FBN3: variants seen among roughly 807,000 people sequenced by gnomAD.
The protein encoded by FBN3 is fibrillin-3.
Under a neutral mutation model 330.1 loss-of-function variants are expected in FBN3, and 234 were observed. The ratio of observed to expected loss-of-function variants is 0.71; its 90% CI spans 0.64 to 0.79. FBN3 has a LOEUF of 0.79. Ranked by LOEUF, FBN3 falls within the 30% of genes least tolerant of loss-of-function variation. The probability of loss-of-function intolerance (pLI) is 0.00; values close to 1 mark genes in which losing one functional copy is unlikely to be tolerated. For synonymous variants in FBN3, 1,458 were observed against 1,517.3 expected (o/e 0.96, Z 0.91); for missense variants, 3,606 against 3,886.9 (o/e 0.93, Z 1.92).
At chr19:8,070,134 C>G (rs2081480485) in intron 63 of FBN3, among the ~76,000 whole-genome samples, 1 of 152,004 alleles carries the variant, frequency 6.6e-6, no homozygotes, top group Admixed American at 6.6e-5. Context: ...ACAGTTTTTC[C>G]TAGCAAGGGG....
At position 8,074,702 on chromosome 19, in the gene FBN3, C is replaced by T. The variant is rs774383301; in HGVS notation, c.7702+369G>A. ...ACAGCTATGGCAATGACATAGCATG[C>T]ACACCTCCATTGCCCCTTGCAGCAT... is the stretch of plus-strand genomic sequence containing the variant. On this transcript the variant is annotated intron_variant, in intron 61 of 63. Coordinates refer to ENST00000600128, the MANE Select transcript of FBN3 (RefSeq NM_032447.5). 127 of 191,036 alleles carry T rather than the reference C, an allele frequency of 6.6e-4. 1 individual carries two copies. The highest frequency in any genetic ancestry group is 2.1e-3 in the Middle Eastern group (1 of 474). 11.8% of individuals were successfully genotyped at this position (191,036 alleles called of 1,614,324 possible).
intron 25 of FBN3, 105 bp from the exon 26 acceptor site, chr19:8,119,127 CA>C (rs2082779450): frequency 3.0e-6 from 4 of 1,354,880 alleles, no homozygotes; most frequent in South Asian, 1.4e-5. Flanking sequence ...CAGCCCCCTT[CA>C]CCCCAGCGGG....
At chr19:8,074,836 A>T in intron 61 of FBN3, 1 of 493,860 alleles carries the variant, frequency 2.0e-6, no homozygotes, top group East Asian at 3.4e-5. Context: ...AATCTTTCTC[A>T]ACTGAGTCCT....
At chr19:8,135,856 TAGGG>T (rs1035264598) in intron 13 of FBN3, 101 bp downstream of exon 13, 3 of 1,308,366 alleles carry the variant, frequency 2.3e-6, no homozygotes, top group Non-Finnish European at 3.2e-6. Context: ...GGAGACGTCG[TAGGG>T]AGGGAGGTGG....
intron 8 of FBN3, among the ~76,000 whole-genome samples, chr19:8,139,130 T>C (rs1412811242): frequency 6.6e-6 from 1 of 151,674 alleles, no homozygotes; most frequent in East Asian, 1.9e-4. Flanking sequence ...GGGTAGATCA[T>C]GAGGTCAGGA....
intron 63 of FBN3, among the ~76,000 whole-genome samples, chr19:8,068,885 C>T (rs1451471539): frequency 2.6e-5 from 4 of 151,996 alleles, no homozygotes; most frequent in Admixed American, 1.3e-4. Flanking sequence ...TTACACACTA[C>T]AGACCCCTAG....
chr19:8,089,903 A>G lies in FBN3; in HGVS notation c.6241T>C (p.Ser2081Pro), dbSNP rs1276517334. Residue 2081 changes from serine to proline, a missense_variant, in exon 50 of 64, where the codon TCC (serine) becomes CCC (proline). Physicochemically the swap from Ser to Pro is moderately conservative, Grantham distance 74. Coordinates refer to ENST00000600128, the MANE Select transcript of FBN3 (RefSeq NM_032447.5). Reference protein sequence around the residue: ...GHGAVPGPDDSREDVNECAEN... With the variant: ...GHGAVPGPDDPREDVNECAEN... ...TGGGTGAGGGGCTCACCTTCTCGGGAGTCATCCGGGCCTGGGACTGCCCCG... is the reference window on the plus strand; with the variant it reads ...TGGGTGAGGGGCTCACCTTCTCGGGGGTCATCCGGGCCTGGGACTGCCCCG... The G allele has an allele frequency of 6.3e-7, 1 of 1,599,422 alleles. No homozygotes were observed. Among genetic ancestry groups the G allele is most frequent in the Admixed American group, 1.8e-5 (1 of 56,208 alleles).
At position 8,119,677 on chromosome 19, in the gene FBN3, C is replaced by A. The variant is rs551005509; in HGVS notation, c.3212-655G>T. Among the ~76,000 whole-genome samples the A allele has an allele frequency of 4.2e-4, 64 of 152,012 alleles. No homozygotes were observed. In the Middle Eastern group the frequency reaches 0.014, roughly 32 times the overall value. On this transcript the variant is annotated intron_variant, in intron 25 of 63. Coordinates refer to ENST00000600128, the MANE Select transcript of FBN3 (RefSeq NM_032447.5). ...TACAGGCATGCATCACCAAGCCCAGCTAATTTTTGTATTTTTAGTAGAGAC... is the reference window on the plus strand; with the variant it reads ...TACAGGCATGCATCACCAAGCCCAGATAATTTTTGTATTTTTAGTAGAGAC...
intron 62 of FBN3, 52 bp from the exon 63 acceptor site, chr19:8,072,250 C>T (rs762751700): frequency 2.7e-6 from 4 of 1,482,214 alleles, no homozygotes; most frequent in Admixed American, 2.3e-5. Context: ...CTGATGGGAC[C>T]TCCCCAGCCA....
Position 8,071,954 on chromosome 19 carries a change from TG to T in FBN3, c.8088+93del, listed in dbSNP as rs376082842. On this transcript the variant is annotated intron_variant, in intron 63 of 63. Transcript: ENST00000600128. ...GGATCTGGAGCCTGGTGCTCCTTCT[TG>T]GGGGGGCTGACATGACTAAGTCGGG... 1,622 of 1,298,676 alleles carry T rather than the reference TG, an allele frequency of 1.2e-3. 21 individuals are homozygous for T. In the African/African-American group the frequency reaches 0.021, roughly 17 times the overall value. 80.4% of individuals were successfully genotyped at this position (1,298,676 alleles called of 1,614,324 possible).
intron 18 of FBN3, 152 bp from the exon 19 acceptor site, chr19:8,126,984 T>C: frequency 1.4e-6 from 1 of 738,634 alleles, no homozygotes; most frequent in Non-Finnish European, 2.1e-6. Context: ...CAAATGTGCA[T>C]GCAAGCACAT....
At position 8,083,355 on chromosome 19, in the gene FBN3, T is replaced by C. The variant is rs1171268053; in HGVS notation, c.7105A>G (p.Met2369Val). 5 of 1,613,942 alleles carry C rather than the reference T, an allele frequency of 3.1e-6. No homozygotes were observed. In the Admixed American group the frequency reaches 8.3e-5, roughly 27 times the overall value. Residue 2369 changes from methionine (M) to valine (V), a missense_variant, in exon 57 of 64, where the codon ATG (methionine) becomes GTG (valine). Coordinates refer to ENST00000600128, the MANE Select transcript of FBN3 (RefSeq NM_032447.5). The stretch of plus-strand genomic sequence containing the variant: ...CCATGAGCACACAGGTGAGCAAGCA[T>C]ACGGCATTCATCTACATCTGGGAAA... ...AEGRDVDECR[M>V]LAHLCAHGEC...
At chr19:8,124,298 C>T (rs894259278) in intron 22 of FBN3, among the ~76,000 whole-genome samples, 10 of 152,336 alleles carry the variant, frequency 6.6e-5, no homozygotes, top group African/African-American at 2.2e-4. Flanking sequence ...GGCTGGAGTG[C>T]AGTGGCACAA....
chr19:8,117,834 C>A (rs1006654609), intron 26 of FBN3, among the ~76,000 whole-genome samples: 1 of 152,070 alleles, frequency 6.6e-6, no homozygotes, highest in African/African-American at 2.4e-5. Flanking sequence ...CACACCCTGG[C>A]ACCCACTCAC....
At chr19:8,146,359 ACACCC>A in intron 3 of FBN3, 134 bp from the exon 4 acceptor site, 1 of 723,532 alleles carries the variant, frequency 1.4e-6, no homozygotes, top group Non-Finnish European at 2.4e-6. Context: ...TGCTCATAGC[ACACCC>A]CACCCCTGTT....
chr19:8,102,850 G>A lies in FBN3; in HGVS notation c.4963C>T (p.Arg1655Trp), dbSNP rs150158359. The change falls in exon 40 of 64, where the codon CGG (arginine) becomes TGG (tryptophan). Residue 1655 changes from arginine to tryptophan, a missense_variant. Physicochemically the swap from Arg to Trp is moderately radical, Grantham distance 101. Transcript: ENST00000600128. ...CMDMRKSVCF[R>W]HYNGTCQNEL... ...TTTTGACATGTGCCGTTATAGTGCCGGAAGCAGACACTCTTCCTCATATCT... is the reference window on the plus strand; with the variant it reads ...TTTTGACATGTGCCGTTATAGTGCCAGAAGCAGACACTCTTCCTCATATCT... The A allele has an allele frequency of 3.3e-5, 53 of 1,613,974 alleles. No individual in the cohort carries two copies. Among genetic ancestry groups the A allele is most frequent in the African/African-American group, 1.7e-4 (13 of 74,898 alleles).
At chr19:8,066,419 C>T (rs1163859790) in intron 63 of FBN3, among the ~76,000 whole-genome samples, 159 bp from the exon 64 acceptor site, 1 of 152,184 alleles carries the variant, frequency 6.6e-6, no homozygotes, top group African/African-American at 2.4e-5. Flanking sequence ...TTTGCAGCAA[C>T]GTGGATGCAG....
intron 37 of FBN3, among the ~76,000 whole-genome samples, chr19:8,106,693 G>GAA (rs2082445478): frequency 6.6e-6 from 1 of 151,980 alleles, no homozygotes; most frequent in African/African-American, 2.4e-5. Context: ...GGATGGATAG[G>GAA]TGAGTAGACA....
In FBN3 at chr19:8,066,255, G is replaced by T. The variant is rs745645966; in HGVS notation, c.8094C>A (p.Asn2698Lys). Residue 2698 changes from asparagine to lysine, a missense_variant, in exon 64 of 64, where the codon AAC (asparagine) becomes AAA (lysine). Transcript: ENST00000600128. ...RRSAHRDHQV[N>K]LATLDSEALL... ...GGGCCTCGGAGTCAAGGGTGGCCAG[G>T]TTCACCTGGGAAGAAAGGCCAGGTG... The T allele has an allele frequency of 2.0e-5, 31 of 1,549,742 alleles. No individual in the cohort carries two copies. The highest frequency in any genetic ancestry group is 2.4e-5 in the Non-Finnish European group (28 of 1,144,770).
Sources: gnomAD v4.1 joint callset for allele counts (sites outside exome capture counted in the v4.1 genomes callset) on GRCh38, gnomAD v4.1.1 for gene constraint, MANE v1.5 for transcripts, NCBI Gene and HGNC (gene_info 2026-07-23, HGNC 2026-07-21) for gene names.